The following LARGE1 variants were observed in gnomAD, a reference collection of about 807,000 sequenced individuals.
The protein encoded by LARGE1 is LARGE xylosyl- and glucuronyltransferase 1, also known as xylosyl- and glucuronyltransferase LARGE1.
LARGE1 carries 43 observed loss-of-function variants against 87.6 expected under a neutral mutation model. That is an observed-to-expected ratio of 0.49 (90% CI 0.38 to 0.63). LARGE1 has a LOEUF of 0.63. LARGE1 is among the 30% of genes least tolerant of loss of function. The pLI is 0.00. For missense variants in LARGE1, 802 were observed against 1,000.2 expected (o/e 0.80, Z 2.67); for synonymous variants, 434 against 394.6 (o/e 1.10, Z -1.18).
At chr22:33,295,136 C>G (rs1933061017) in intron 12 of LARGE1, among the ~76,000 whole-genome samples, 1 of 152,150 alleles carries the variant, frequency 6.6e-6, no homozygotes, top group Admixed American at 6.5e-5. Context: ...CACTCATATT[C>G]TCGTGGATGC....
intron 5 of LARGE1, among the ~76,000 whole-genome samples, chr22:33,568,914 G>A (rs1052182022): frequency 3.3e-5 from 5 of 152,198 alleles, no homozygotes; most frequent in East Asian, 1.9e-4. Context: ...ATAGGAAGGC[G>A]GGCGATTTGT....
chr22:33,514,914 G>T (rs943055131), intron 6 of LARGE1, among the ~76,000 whole-genome samples: 7 of 152,130 alleles, frequency 4.6e-5, no homozygotes, highest in Admixed American at 3.9e-4. Context: ...TCAATAACAT[G>T]AACACACAGC....
intron 1 of LARGE1, among the ~76,000 whole-genome samples, chr22:33,881,333 C>T (rs560673173): frequency 5.3e-5 from 8 of 152,296 alleles, no homozygotes; most frequent in South Asian, 2.1e-4. Flanking sequence ...ATCCCCCAGG[C>T]GAAGTCACCT....
At chr22:33,337,878 C>A in intron 9 of LARGE1, 77 bp from the exon 10 acceptor site, 1 of 1,454,126 alleles carries the variant, frequency 6.9e-7, no homozygotes, top group South Asian at 1.2e-5. Flanking sequence ...GAAGCCATGG[C>A]TCAGCACTGG....
intron 1 of LARGE1, among the ~76,000 whole-genome samples, chr22:33,764,768 A>G (rs1256201909): frequency 6.6e-6 from 1 of 152,206 alleles, no homozygotes; most frequent in Non-Finnish European, 1.5e-5. Flanking sequence ...AAATGGTAAT[A>G]ATAAATTTTT....
intron 6 of LARGE1, among the ~76,000 whole-genome samples, chr22:33,499,990 T>C (rs1272861211): frequency 1.3e-5 from 2 of 152,264 alleles, no homozygotes; most frequent in Non-Finnish European, 2.9e-5. Flanking sequence ...GTCAGGCTGG[T>C]CTCGAACTCC....
At chr22:33,654,963 C>T (rs189200850) in intron 2 of LARGE1, among the ~76,000 whole-genome samples, 1 of 152,326 alleles carries the variant, frequency 6.6e-6, no homozygotes, top group African/African-American at 2.4e-5. Flanking sequence ...AACTGGTCTA[C>T]ACTACGTTAA....
chr22:33,494,946 C>A (rs2070031131), intron 6 of LARGE1, among the ~76,000 whole-genome samples: 1 of 152,174 alleles, frequency 6.6e-6, no homozygotes. Flanking sequence ...CAGATAACTG[C>A]ACCCTAGGGC....
intron 10 of LARGE1, among the ~76,000 whole-genome samples, chr22:33,324,445 C>T (rs1278171702): frequency 1.3e-5 from 2 of 151,964 alleles, no homozygotes; most frequent in Admixed American, 1.3e-4. Flanking sequence ...GCTCTCTGGC[C>T]ACTGCCACAG....
At chr22:33,389,644 A>G (rs575048297) in intron 7 of LARGE1, among the ~76,000 whole-genome samples, 4 of 152,356 alleles carry the variant, frequency 2.6e-5, no homozygotes, top group African/African-American at 7.2e-5. Context: ...CAGGAGTTTG[A>G]GACCAGCCTG....
At chr22:33,493,716 C>T (rs1307047598) in intron 6 of LARGE1, among the ~76,000 whole-genome samples, 1 of 152,146 alleles carries the variant, frequency 6.6e-6, no homozygotes, top group African/African-American at 2.4e-5. Flanking sequence ...CCAAGGTGAC[C>T]TAGTTGGGAT....
In LARGE1 at chr22:33,274,501, C is replaced by G; in HGVS notation, c.2197G>C (p.Glu733Gln). 1 of 1,614,140 alleles carries G rather than the reference C, an allele frequency of 6.2e-7. No homozygotes were observed. The change falls in exon 15 of 15, where the codon GAG becomes CAG. Residue 733 changes from glutamate to glutamine, a missense_variant. Glu to Gln is a conservative substitution (Grantham distance 29). This residue lies in a region of LARGE1 where 625 missense variants were observed against 841.9 expected (regional missense o/e 0.74). Transcript: ENST00000397394. ...CGGCGGGACATGTCCTGCTGAAACT[C>G]TTCCTTGAGGGTTTTGAGACAGATG... ...YRICLKTLKE[E>Q]FQQDMSRRYG...
At chr22:33,482,660 T>C (rs2069378255) in intron 6 of LARGE1, among the ~76,000 whole-genome samples, 1 of 152,060 alleles carries the variant, frequency 6.6e-6, no homozygotes, top group South Asian at 2.1e-4. Flanking sequence ...GCCACCTATG[T>C]AACAAACCTG....
chr22:33,910,770 G>A (rs752847155), intron 1 of LARGE1, among the ~76,000 whole-genome samples: 6 of 152,170 alleles, frequency 3.9e-5, no homozygotes, highest in Non-Finnish European at 7.3e-5. Context: ...GTTGGATCCA[G>A]CAAAAAAAGC....
intron 2 of LARGE1, chr22:33,724,751 T>C (rs968984832): frequency 1.1e-4 from 17 of 152,266 alleles, no homozygotes; most frequent in African/African-American, 4.1e-4. Context: ...TTACTGAGTG[T>C]CTGGGACAAG....
chr22:33,387,315 TACTCCTG>T (rs1417581383), intron 7 of LARGE1, among the ~76,000 whole-genome samples: 1 of 123,276 alleles, frequency 8.1e-6, no homozygotes, highest in Non-Finnish European at 1.9e-5. Flanking sequence ...TAGTCCCAGC[TACTCCTG>T]AGGCTGAGGC....
chr22:33,268,720 C>A (rs979447799), downstream of LARGE1, among the ~76,000 whole-genome samples: 11 of 152,068 alleles, frequency 7.2e-5, no homozygotes, highest in African/African-American at 2.7e-4. Context: ...AGCCACCGCG[C>A]CCGGCCTAGT....
At chr22:33,358,872 C>T (rs1225688016) in intron 9 of LARGE1, among the ~76,000 whole-genome samples, 1 of 152,122 alleles carries the variant, frequency 6.6e-6, no homozygotes, top group East Asian at 1.9e-4. Flanking sequence ...GTGGCAGGCA[C>T]CTGTAGTCCC....
intron 6 of LARGE1, among the ~76,000 whole-genome samples, chr22:33,553,419 G>C (rs919323605): frequency 1.3e-5 from 2 of 152,138 alleles, no homozygotes; most frequent in African/African-American, 4.8e-5. Context: ...TGGAAACTGA[G>C]GTGGGAGAAT....
Sources: allele counts gnomAD v4.1 joint callset (sites outside exome capture counted in the v4.1 genomes callset), GRCh38; gene constraint gnomAD v4.1.1; regional missense constraint gnomAD v4.1.1; transcripts MANE v1.5; gene names NCBI Gene and HGNC (gene_info 2026-07-23, HGNC 2026-07-21).